CTNNA2: variants seen among roughly 807,000 people sequenced by gnomAD.
CTNNA2 encodes the protein catenin alpha 2, also known as catenin alpha-2.
In CTNNA2, 42 loss-of-function variants were observed where a neutral mutation model predicts 101.0. The ratio of observed to expected loss-of-function variants is 0.42; its 90% CI spans 0.32 to 0.54. The LOEUF (loss-of-function observed/expected upper bound fraction) is 0.54. Ranked by LOEUF, CTNNA2 falls within the 20% of genes least tolerant of loss-of-function variation. CTNNA2 has a pLI of 0.14. For synonymous variants in CTNNA2, 450 were observed against 456.4 expected (o/e 0.99, Z 0.18); for missense variants, 871 against 1,223.1 (o/e 0.71, Z 4.29).
chr2:80,494,083 T>C (rs1266658822), intron 9 of CTNNA2, among the ~76,000 whole-genome samples: 1 of 152,152 alleles, frequency 6.6e-6, no homozygotes, highest in African/African-American at 2.4e-5. Context: ...TATTTTGCCC[T>C]GATAGGACTA....
intron 3 of CTNNA2, among the ~76,000 whole-genome samples, chr2:79,837,518 C>T (rs1679469797): frequency 6.6e-6 from 1 of 152,170 alleles, no homozygotes; most frequent in Non-Finnish European, 1.5e-5. Flanking sequence ...TTAACCATCA[C>T]AGAACCCAAC....
chr2:79,545,824 A>G (rs776513086), intron 1 of CTNNA2, among the ~76,000 whole-genome samples: 2 of 152,228 alleles, frequency 1.3e-5, no homozygotes, highest in Non-Finnish European at 2.9e-5. Flanking sequence ...TAAATTAGAT[A>G]GGAGCAATAC....
chr2:80,589,853 T>C (rs114418133), intron 15 of CTNNA2, among the ~76,000 whole-genome samples: 2,406 of 148,090 alleles, frequency 0.016, 59 homozygotes, highest in African/African-American at 0.056. Flanking sequence ...TGGAAAAATA[T>C]GTACCTCTGT....
In CTNNA2 at chr2:80,648,492, T is replaced by C. The variant is rs888592168; in HGVS notation, c.*620T>C. 1.3e-5 allele frequency: 2 copies of C among 152,584 alleles called. No homozygotes were observed. Among genetic ancestry groups the C allele is most frequent in the African/African-American group, 4.8e-5 (2 of 41,426 alleles). The allele number at this position is 152,584 out of a possible 1,614,324, so 9.5% of individuals were successfully genotyped here. On this transcript the variant is annotated 3_prime_UTR_variant, in exon 19 of 19. Coordinates refer to ENST00000402739, the MANE Select transcript of CTNNA2 (RefSeq NM_001282597.3). ...TTGTGCCATTACTAGTGATCATGTT[T>C]TTTTCCCCCCTTTAATGAAAACAAT... is the stretch of plus-strand genomic sequence containing the variant.
At chr2:80,411,387 C>A (rs1679559790) in intron 8 of CTNNA2, among the ~76,000 whole-genome samples, 1 of 152,078 alleles carries the variant, frequency 6.6e-6, no homozygotes, top group South Asian at 2.1e-4. Flanking sequence ...GACTCAGCAT[C>A]ACTTCTACCT....
chr2:79,605,250 G>A (rs766732512), intron 1 of CTNNA2, among the ~76,000 whole-genome samples: 69 of 152,084 alleles, frequency 4.5e-4, no homozygotes, highest in Non-Finnish European at 8.2e-4. Context: ...CGCCATGATA[G>A]GAGAAGTAGA....
At chr2:79,260,528 C>T (rs1371663735) in intron 2 of CTNNA2, among the ~76,000 whole-genome samples, 3 of 152,106 alleles carry the variant, frequency 2.0e-5, no homozygotes, top group African/African-American at 4.8e-5. Flanking sequence ...ACTAGAAGTA[C>T]GATGACATTT....
chr2:79,514,479 T>A (rs1671701718), intron 1 of CTNNA2: 1 of 152,240 alleles, frequency 6.6e-6, no homozygotes, highest in South Asian at 2.1e-4. Context: ...TAATTTAAAA[T>A]TGCTGTTGGT....
chr2:80,370,903 G>A (rs1675380545), intron 7 of CTNNA2, among the ~76,000 whole-genome samples: 1 of 152,132 alleles, frequency 6.6e-6, no homozygotes, highest in African/African-American at 2.4e-5. Context: ...AAGACCCAAT[G>A]AAATAAGTAA....
At chr2:79,572,284 T>G (rs534819058) in intron 1 of CTNNA2, among the ~76,000 whole-genome samples, 2 of 152,284 alleles carry the variant, frequency 1.3e-5, no homozygotes, top group East Asian at 3.9e-4. Flanking sequence ...TGCTTTGATT[T>G]TCGTTTTATA....
chr2:80,352,365 T>C (rs1026141197), intron 7 of CTNNA2, among the ~76,000 whole-genome samples: 1 of 152,186 alleles, frequency 6.6e-6, no homozygotes, highest in Admixed American at 6.6e-5. Flanking sequence ...TAATGGATAT[T>C]GAAAATGCCT....
intron 16 of CTNNA2, among the ~76,000 whole-genome samples, chr2:80,605,895 C>A (rs1697962149): frequency 6.6e-6 from 1 of 151,784 alleles, no homozygotes; most frequent in African/African-American, 2.4e-5. Flanking sequence ...GAGTGTTAAC[C>A]CATTGCTATT....
At chr2:79,489,136 A>C (rs1671185845) in intron 4 of CTNNA2, among the ~76,000 whole-genome samples, 1 of 152,166 alleles carries the variant, frequency 6.6e-6, no homozygotes, top group Admixed American at 6.5e-5. Flanking sequence ...TCTTAAACAT[A>C]ATCATGTTTA....
intron 1 of CTNNA2, among the ~76,000 whole-genome samples, chr2:79,540,990 C>A (rs1001943790): frequency 6.6e-6 from 1 of 151,976 alleles, no homozygotes; most frequent in African/African-American, 2.4e-5. Flanking sequence ...TTGTGTTGAT[C>A]AAATTGTTTT....
At chr2:79,241,910 TTTTC>T (rs1186187667) in intron 2 of CTNNA2, among the ~76,000 whole-genome samples, 14 of 151,292 alleles carry the variant, frequency 9.3e-5, no homozygotes, top group East Asian at 3.9e-4. Context: ...TTTTCTTTTC[TTTTC>T]TTTTTTTTTG....
At chr2:80,500,335 T>A (rs1253284053) in intron 9 of CTNNA2, among the ~76,000 whole-genome samples, 1 of 152,210 alleles carries the variant, frequency 6.6e-6, no homozygotes, top group African/African-American at 2.4e-5. Flanking sequence ...CCACCATCCA[T>A]TTATTCATTC....
chr2:79,215,899 G>A lies in CTNNA2; in HGVS notation c.-406+17823G>A, dbSNP rs1674250374. On this transcript the variant is annotated intron_variant, in intron 2 of 21. Coordinates refer to the CTNNA2 transcript ENST00000466387. ...CTAGCTCGGCCTTGCGAGGAAGGGA[G>A]AGGTCAGATGGGTCAGTAGAAAAGG... Among the ~76,000 whole-genome samples, 3 of 152,046 alleles carry A rather than the reference G, an allele frequency of 2.0e-5. No individual in the cohort carries two copies. In the South Asian group the frequency reaches 6.2e-4, roughly 32 times the overall value.
intron 1 of CTNNA2, among the ~76,000 whole-genome samples, chr2:79,537,514 T>C (rs1257007464): frequency 6.6e-6 from 1 of 152,136 alleles, no homozygotes; most frequent in Non-Finnish European, 1.5e-5. Context: ...GTGTATGACC[T>C]TAGGAAAACC....
intron 7 of CTNNA2, among the ~76,000 whole-genome samples, chr2:80,329,400 C>T (rs1267915235): frequency 6.6e-6 from 1 of 152,140 alleles, no homozygotes; most frequent in African/African-American, 2.4e-5. Context: ...GGAGAATGAT[C>T]CCATTGCACC....
Sources: gnomAD v4.1 joint callset for allele counts (sites outside exome capture counted in the v4.1 genomes callset) on GRCh38, gnomAD v4.1.1 for gene constraint, MANE v1.5 for transcripts, NCBI Gene and HGNC (gene_info 2026-07-23, HGNC 2026-07-21) for gene names.